TLL2: variants seen among roughly 807,000 people sequenced by gnomAD.
The protein encoded by TLL2 is tolloid-like protein 2.
TLL2 carries 106 observed loss-of-function variants against 123.0 expected under a neutral mutation model. The ratio of observed to expected loss-of-function variants is 0.86; its 90% CI spans 0.74 to 1.01. TLL2 has a LOEUF of 1.01. TLL2 is among the 50% of genes least tolerant of loss of function. The probability of loss-of-function intolerance (pLI) is 0.00; values close to 1 mark genes in which losing one functional copy is unlikely to be tolerated. For missense variants in TLL2, 1,332 were observed against 1,336.7 expected (o/e 1.00, Z 0.06); for synonymous variants, 494 against 516.8 (o/e 0.96, Z 0.60).
At chr10:96,428,827 G>A (rs1190294609) in intron 4 of TLL2, 79 bp from the exon 5 acceptor site, 11 of 992,822 alleles carry the variant, frequency 1.1e-5, no homozygotes, top group South Asian at 3.0e-5. Flanking sequence ...CTTTCAAGAC[G>A]GAGTTTTGCC....
intron 16 of TLL2, among the ~76,000 whole-genome samples, chr10:96,381,783 T>G (rs1035104843): frequency 6.6e-6 from 1 of 152,036 alleles, no homozygotes; most frequent in Admixed American, 6.5e-5. Context: ...GCTCTGAGCC[T>G]AGTAGTGTAC....
chr10:96,441,340 C>T (rs1589423338), intron 3 of TLL2, among the ~76,000 whole-genome samples: 1 of 152,192 alleles, frequency 6.6e-6, no homozygotes. Context: ...GGCTGAAGGC[C>T]GCTAAGTAAA....
At chr10:96,495,870 G>A (rs548771146) in intron 1 of TLL2, among the ~76,000 whole-genome samples, 2 of 152,286 alleles carry the variant, frequency 1.3e-5, no homozygotes, top group East Asian at 3.9e-4. Context: ...AGTTGCTCAA[G>A]CATACGGCAG....
chr10:96,459,173 C>A (rs1847048298), intron 2 of TLL2, among the ~76,000 whole-genome samples: 2 of 152,076 alleles, frequency 1.3e-5, no homozygotes, highest in South Asian at 4.1e-4. Context: ...GGGTTTAATG[C>A]AATCATGACC....
At chr10:96,409,221 A>G (rs916674799) in intron 9 of TLL2, among the ~76,000 whole-genome samples, 1 of 152,244 alleles carries the variant, frequency 6.6e-6, no homozygotes, top group Non-Finnish European at 1.5e-5. Flanking sequence ...TCAGGTGACC[A>G]TTCTGTGCCA....
chr10:96,436,701 T>C (rs1038639511), intron 3 of TLL2, among the ~76,000 whole-genome samples: 17 of 152,224 alleles, frequency 1.1e-4, no homozygotes, highest in Non-Finnish European at 2.1e-4. Flanking sequence ...TTTTTTTTTT[T>C]CTGAGTCAGG....
intron 2 of TLL2, among the ~76,000 whole-genome samples, chr10:96,454,503 C>T (rs1035985893): frequency 6.6e-6 from 1 of 152,228 alleles, no homozygotes; most frequent in Non-Finnish European, 1.5e-5. Context: ...GGATGAGTGA[C>T]TGCCAGACCT....
At chr10:96,470,592 C>A (rs11599620) in intron 2 of TLL2, among the ~76,000 whole-genome samples, 16,410 of 152,202 alleles carry the variant, frequency 0.11, 1,126 homozygotes, top group Non-Finnish European at 0.15. Flanking sequence ...GAGCCTAAGT[C>A]GTCAGCAGCT....
At chr10:96,458,672 G>T (rs1847042963) in intron 2 of TLL2, among the ~76,000 whole-genome samples, 1 of 151,158 alleles carries the variant, frequency 6.6e-6, no homozygotes, top group African/African-American at 2.4e-5. Context: ...TAGGGAGTCT[G>T]AGGTGGGAGA....
At chr10:96,443,777 GACCATTGAGT>G (rs1205499649) in intron 3 of TLL2, among the ~76,000 whole-genome samples, 2 of 152,266 alleles carry the variant, frequency 1.3e-5, no homozygotes, top group African/African-American at 4.8e-5. Context: ...CAAAGTGAAG[GACCATTGAGT>G]ACCAGATGTC....
At position 96,422,716 on chromosome 10, in the gene TLL2, T is replaced by C. The variant is rs757278581; in HGVS notation, c.650A>G (p.Tyr217Cys). ...TGGGCCTCCTCCTCGGCGCCCAACA[T>C]AGGAGCAACAGCTGGACAATTGCAG... ...FSYRTCGCCS[Y>C]VGRRGGGPQA... The change falls in exon 6 of 21, where the codon TAT (tyrosine) becomes TGT (cysteine). Residue 217 changes from tyrosine (Y) to cysteine (C), a missense_variant. Coordinates refer to ENST00000357947, the MANE Select transcript of TLL2 (RefSeq NM_012465.4). 32 of 1,614,076 alleles carry C rather than the reference T, an allele frequency of 2.0e-5. No individual in the cohort carries two copies. Among genetic ancestry groups the C allele is most frequent in the Non-Finnish European group, 2.6e-5 (31 of 1,180,000 alleles).
At chr10:96,475,863 G>A (rs975870380) in intron 2 of TLL2, among the ~76,000 whole-genome samples, 2 of 152,136 alleles carry the variant, frequency 1.3e-5, no homozygotes, top group African/African-American at 2.4e-5. Flanking sequence ...TTCCCATGCT[G>A]TTCTCATGAT....
In TLL2 at chr10:96,432,871, G is replaced by A; in HGVS notation, c.456C>T (p.Thr152=). The change falls in exon 4 of 21, where the codon ACC becomes ACT. Residue 152 remains threonine, a synonymous_variant. Transcript: ENST00000357947. ...CAGGCCATATCCTCTCTGTCCTTGA[G>A]GTTGTGGCTCTTCGGACCCGGGGAG... ...TFSPRVRRAT[T]SRTERIWPGG... 2 of 1,614,146 alleles carry A rather than the reference G, an allele frequency of 1.2e-6. No homozygotes were observed. Among genetic ancestry groups the A allele is most frequent in the Non-Finnish European group, 1.7e-6 (2 of 1,180,010 alleles).
At chr10:96,439,664 C>G (rs1454454287) in intron 3 of TLL2, among the ~76,000 whole-genome samples, 1 of 152,066 alleles carries the variant, frequency 6.6e-6, no homozygotes, top group Non-Finnish European at 1.5e-5. Flanking sequence ...ATATTTTTTT[C>G]AGTGTTCCTC....
intron 1 of TLL2, among the ~76,000 whole-genome samples, chr10:96,489,540 AAG>A (rs1014031383): frequency 6.6e-6 from 1 of 151,782 alleles, no homozygotes; most frequent in Admixed American, 6.6e-5. Flanking sequence ...AGAAAGAAGA[AAG>A]AGAGAGAGAG....
At chr10:96,431,812 G>A (rs1009608971) in intron 4 of TLL2, among the ~76,000 whole-genome samples, 3 of 152,190 alleles carry the variant, frequency 2.0e-5, no homozygotes, top group African/African-American at 7.2e-5. Context: ...AGGGCAGAAG[G>A]CCTTCCTGTG....
At chr10:96,391,685 G>A (rs1340291740) in intron 13 of TLL2, among the ~76,000 whole-genome samples, 2 of 152,192 alleles carry the variant, frequency 1.3e-5, no homozygotes, top group African/African-American at 2.4e-5. Context: ...ATCCTGGCAC[G>A]TGGCCAGCAT....
At position 96,393,193 on chromosome 10, in the gene TLL2, G is replaced by T. The variant is rs149366981; in HGVS notation, c.1726+1994C>A. ...CCAGTGAGACCCATGTTAGACTTCT[G>T]ACCTCCACAACTGTAGGATAATAAG... On this transcript the variant is annotated intron_variant, in intron 13 of 20. Transcript: ENST00000357947. Among the ~76,000 whole-genome samples, 187 of 152,288 alleles carry T rather than the reference G, an allele frequency of 1.2e-3. 1 individual carries two copies. The highest frequency in any genetic ancestry group is 2.1e-3 in the Non-Finnish European group (141 of 68,030).
chr10:96,369,724 G>A (rs1846060189), intron 20 of TLL2, among the ~76,000 whole-genome samples: 1 of 150,608 alleles, frequency 6.6e-6, no homozygotes. Flanking sequence ...TCCAGCCTGG[G>A]CGACAGAGCA....
Sources: gnomAD v4.1 joint callset for allele counts (sites outside exome capture counted in the v4.1 genomes callset) on GRCh38, gnomAD v4.1.1 for gene constraint, MANE v1.5 for transcripts, NCBI Gene and HGNC (gene_info 2026-07-23, HGNC 2026-07-21) for gene names.